The following ZNF532 variants were observed in gnomAD, a reference collection of about 807,000 sequenced individuals.
The protein encoded by ZNF532 is zinc finger protein 532.
A neutral mutation model predicts 89.3 loss-of-function variants in ZNF532; 22 were observed. The observed-to-expected ratio is 0.25, with a 90% CI of 0.18 to 0.35. The LOEUF (loss-of-function observed/expected upper bound fraction) is 0.35, where lower values mean the gene tolerates loss of function less well. Among genes scored for constraint, ZNF532 ranks in the 10% least tolerant of loss-of-function variants. The probability of loss-of-function intolerance (pLI) is 1.00; values close to 1 mark genes in which losing one functional copy is unlikely to be tolerated. For missense variants in ZNF532, 1,132 were observed against 1,643.4 expected (o/e 0.69, Z 5.38); for synonymous variants, 606 against 649.6 (o/e 0.93, Z 1.02).
At chr18:58,974,182 T>G (rs1045689337) in intron 7 of ZNF532, among the ~76,000 whole-genome samples, 4 of 152,182 alleles carry the variant, frequency 2.6e-5, no homozygotes, top group Admixed American at 6.5e-5. Context: ...GTTTAAAAAT[T>G]TAAACAATAT....
In ZNF532 at chr18:58,879,098, T is replaced by G. The variant is rs963625992; in HGVS notation, c.-18+13519T>G. On this transcript the variant is annotated intron_variant, in intron 2 of 9. Transcript: ENST00000591808. ...GGTTGTTCTTGTTCTTAGCCCTAAA[T>G]AGGTGACAGTAGCCTTTAGTGAAGG... is the stretch of plus-strand genomic sequence containing the variant. Among the ~76,000 whole-genome samples the G allele has an allele frequency of 2.0e-5, 3 of 152,178 alleles. No homozygotes were observed. The South Asian group carries it at 6.2e-4, about 32-fold the overall frequency.
At chr18:58,867,295 A>G (rs1355563628) in intron 2 of ZNF532, among the ~76,000 whole-genome samples, 1 of 151,946 alleles carries the variant, frequency 6.6e-6, no homozygotes, top group East Asian at 1.9e-4. Flanking sequence ...GGTGGTTTTT[A>G]GCTTTGTTCC....
At chr18:58,915,544 T>G (rs1217715820) in intron 2 of ZNF532, among the ~76,000 whole-genome samples, 2 of 152,158 alleles carry the variant, frequency 1.3e-5, no homozygotes, top group East Asian at 1.9e-4. Flanking sequence ...AGATCCTAAC[T>G]CTGCTTTAGC....
chr18:58,942,072 G>A (rs1471824593), intron 5 of ZNF532, among the ~76,000 whole-genome samples: 1 of 144,198 alleles, frequency 6.9e-6, no homozygotes, highest in Non-Finnish European at 1.5e-5. Flanking sequence ...GCCCAGGCTG[G>A]AGTGCAGTGG....
chr18:58,948,032 G>T (rs1191408629), intron 5 of ZNF532, 35 bp from the exon 6 acceptor site: 5 of 1,577,658 alleles, frequency 3.2e-6, no homozygotes, highest in Non-Finnish European at 4.3e-6. Context: ...TAAAGAGGCT[G>T]ACTGACATGA....
chr18:58,888,880 A>AATT (rs2058662848), intron 2 of ZNF532, among the ~76,000 whole-genome samples: 1 of 53,418 alleles, frequency 1.9e-5, no homozygotes, highest in Non-Finnish European at 3.0e-5. Context: ...TATATATTAT[A>AATT]TATATATATT....
intron 7 of ZNF532, among the ~76,000 whole-genome samples, chr18:58,962,410 A>C (rs2147225175): frequency 6.6e-6 from 1 of 152,274 alleles, no homozygotes; most frequent in Non-Finnish European, 1.5e-5. Flanking sequence ...ATTTGGTTTC[A>C]CAGTTAATCT....
At chr18:58,909,110 C>T (rs112752275) in intron 2 of ZNF532, among the ~76,000 whole-genome samples, 11,498 of 152,120 alleles carry the variant, frequency 0.076, 814 homozygotes, top group African/African-American at 0.18. Context: ...TGCACTACCA[C>T]GCCTGGCTAA....
At chr18:58,872,092 G>A (rs2057031142) in intron 2 of ZNF532, among the ~76,000 whole-genome samples, 1 of 152,184 alleles carries the variant, frequency 6.6e-6, no homozygotes, top group Admixed American at 6.5e-5. Context: ...TCTGGAGACT[G>A]AAATAAGTAA....
rs2068364027 is a variant in ZNF532 at position 58,986,086 on chromosome 18, T to C, written c.*1620T>C. On this transcript the variant is annotated 3_prime_UTR_variant, in exon 10 of 10. Transcript: ENST00000591808. ...AGAAGAATGGCATATTCGTTCTCAT[T>C]AGTAATCAGCTATTTTGTCACTTTC... is the stretch of plus-strand genomic sequence containing the variant. The C allele has an allele frequency of 6.6e-6, 1 of 152,644 alleles. No individual in the cohort carries two copies. The highest frequency in any genetic ancestry group is 2.4e-5 in the African/African-American group (1 of 41,450). The allele number at this position is 152,644 out of a possible 1,614,324, so 9.5% of individuals were successfully genotyped here. A position where few individuals can be genotyped will look rare whatever the true frequency, so the allele number is the denominator to read the frequency against.
At chr18:58,982,846 G>A (rs1480834111) in intron 9 of ZNF532, among the ~76,000 whole-genome samples, 13 of 152,134 alleles carry the variant, frequency 8.5e-5, no homozygotes, top group Non-Finnish European at 1.5e-5. Flanking sequence ...AAGGCGTGGT[G>A]GCTCACACCT....
At chr18:58,932,950 C>G (rs1303185358) in intron 3 of ZNF532, among the ~76,000 whole-genome samples, 1 of 151,892 alleles carries the variant, frequency 6.6e-6, no homozygotes, top group Non-Finnish European at 1.5e-5. Flanking sequence ...AAAATGCTAA[C>G]TTTATTCCCA....
chr18:58,905,544 T>C (rs751178251), intron 2 of ZNF532, among the ~76,000 whole-genome samples: 17 of 152,024 alleles, frequency 1.1e-4, no homozygotes, highest in Non-Finnish European at 1.9e-4. Flanking sequence ...GGACTATAGG[T>C]GTGCTCCACC....
chr18:58,890,241 A>G (rs1392967075), intron 2 of ZNF532, among the ~76,000 whole-genome samples: 3 of 151,712 alleles, frequency 2.0e-5, no homozygotes, highest in Non-Finnish European at 4.4e-5. Context: ...AAATATATAT[A>G]TATATGAGTT....
chr18:58,929,607 C>T (rs773930870), intron 3 of ZNF532, among the ~76,000 whole-genome samples: 1 of 152,174 alleles, frequency 6.6e-6, no homozygotes, highest in African/African-American at 2.4e-5. Context: ...TCAGTTTACC[C>T]GTATTCTTCA....
At chr18:58,885,043 C>A (rs2058197649) in intron 2 of ZNF532, among the ~76,000 whole-genome samples, 1 of 140,602 alleles carries the variant, frequency 7.1e-6, no homozygotes. Context: ...GGTTAGAGTT[C>A]AGTGGCATGA....
intron 2 of ZNF532, among the ~76,000 whole-genome samples, chr18:58,881,031 A>T (rs1056120849): frequency 1.3e-5 from 2 of 152,104 alleles, no homozygotes; most frequent in Non-Finnish European, 2.9e-5. Context: ...ATTTGGTTAC[A>T]CAGTGGTCTA....
intron 5 of ZNF532, among the ~76,000 whole-genome samples, chr18:58,947,554 C>T (rs911296939): frequency 2.0e-5 from 3 of 152,152 alleles, no homozygotes; most frequent in Admixed American, 1.3e-4. Context: ...TGGTGTAGGG[C>T]TTCCTGTGTT....
chr18:58,983,365 C>G (rs1002052598), intron 9 of ZNF532, among the ~76,000 whole-genome samples: 8 of 152,146 alleles, frequency 5.3e-5, no homozygotes, highest in Non-Finnish European at 1.2e-4. Context: ...CTGACACTCT[C>G]TCCCACAAGG....
Sources: gnomAD v4.1 joint callset for allele counts (sites outside exome capture counted in the v4.1 genomes callset) on GRCh38, gnomAD v4.1.1 for gene constraint, MANE v1.5 for transcripts, NCBI Gene and HGNC (gene_info 2026-07-23, HGNC 2026-07-21) for gene names.